DLG1: variants seen among roughly 807,000 people sequenced by gnomAD.
DLG1 encodes the protein discs large MAGUK scaffold protein 1, also known as disks large homolog 1.
DLG1 carries 42 observed loss-of-function variants against 123.4 expected under a neutral mutation model. The ratio of observed to expected loss-of-function variants is 0.34; its 90% confidence interval spans 0.27 to 0.44. The LOEUF is 0.44. DLG1 is among the 20% of genes least tolerant of loss of function. DLG1 has a pLI of 1.00. For synonymous variants in DLG1, 317 were observed against 356.2 expected (o/e 0.89, Z 1.24); for missense variants, 942 against 1,082.6 (o/e 0.87, Z 1.82).
chr3:197,055,893 A>G (rs559895838), intron 23 of DLG1, among the ~76,000 whole-genome samples: 1 of 152,346 alleles, frequency 6.6e-6, no homozygotes, highest in South Asian at 2.1e-4. Flanking sequence ...CTGCACCTCC[A>G]TGATCAGAAG....
chr3:197,048,068 A>T (rs1369235343), intron 24 of DLG1, among the ~76,000 whole-genome samples: 1 of 152,262 alleles, frequency 6.6e-6, no homozygotes, highest in Non-Finnish European at 1.5e-5. Flanking sequence ...TAATCCATTT[A>T]AAAAATGGGC....
rs745433810 is a variant in DLG1, at chr3:197,130,609, T to C, written c.1083A>G (p.Thr361=). ...HEEAVTALKN[T]SDFVYLKVAK... ...CCACTTTCAAATAAACAAAATCAGA[T>C]GTGTTCTTTAAGGCAGTTACTGCTT... The change falls in exon 11 of 25, where the codon ACA becomes ACG. Residue 361 remains threonine, a synonymous_variant. Coordinates refer to ENST00000667157, the MANE Select transcript of DLG1 (RefSeq NM_001366207.1). 1.9e-6 allele frequency: 3 copies of C among 1,611,760 alleles called. No homozygotes were observed. Among genetic ancestry groups the C allele is most frequent in the South Asian group, 1.1e-5 (1 of 90,872 alleles).
intron 3 of DLG1, among the ~76,000 whole-genome samples, chr3:197,289,728 T>G (rs1177895482): frequency 6.6e-6 from 1 of 152,202 alleles, no homozygotes; most frequent in African/African-American, 2.4e-5. Flanking sequence ...GCACAAATAC[T>G]CTTTCTTCTA....
At chr3:197,119,811 T>G (rs111696824) in intron 11 of DLG1, among the ~76,000 whole-genome samples, 1 of 152,138 alleles carries the variant, frequency 6.6e-6, no homozygotes, top group Non-Finnish European at 1.5e-5. Flanking sequence ...CAGTCCAAAT[T>G]TGATTGTGAA....
chr3:197,070,103 C>G (rs960658448), intron 18 of DLG1: 4 of 152,192 alleles, frequency 2.6e-5, no homozygotes, highest in Admixed American at 2.6e-4. Flanking sequence ...GCACTCTTCT[C>G]ATCCATGTAA....
intron 13 of DLG1, among the ~76,000 whole-genome samples, chr3:197,112,248 GTA>G (rs1324863970): frequency 6.6e-6 from 1 of 152,148 alleles, no homozygotes; most frequent in African/African-American, 2.4e-5. Context: ...CTTCTTTAGT[GTA>G]TAGTTAAGTT....
At chr3:197,135,564 T>C (rs1033102139) in intron 10 of DLG1, among the ~76,000 whole-genome samples, 1 of 152,092 alleles carries the variant, frequency 6.6e-6, no homozygotes, top group Non-Finnish European at 1.5e-5. Context: ...TTCATAGCAG[T>C]GTGAAAACAA....
intron 16 of DLG1, among the ~76,000 whole-genome samples, chr3:197,084,200 TCA>T (rs1202229542): frequency 3.3e-5 from 5 of 152,218 alleles, no homozygotes; most frequent in Non-Finnish European, 5.9e-5. Flanking sequence ...ACAGACACTT[TCA>T]GTTTTCTCTT....
At chr3:197,224,980 G>A (rs953334536) in intron 4 of DLG1, among the ~76,000 whole-genome samples, 1 of 152,208 alleles carries the variant, frequency 6.6e-6, no homozygotes, top group African/African-American at 2.4e-5. Flanking sequence ...TTGTTGAGAT[G>A]GAGTCTCGCT....
intron 22 of DLG1, among the ~76,000 whole-genome samples, chr3:197,061,510 G>A (rs1056404507): frequency 2.6e-5 from 4 of 152,174 alleles, no homozygotes; most frequent in Admixed American, 2.0e-4. Flanking sequence ...GTCAAGGATC[G>A]AATTCAGGAT....
intron 14 of DLG1, among the ~76,000 whole-genome samples, chr3:197,097,291 C>CGA (rs1424596110): frequency 2.0e-5 from 3 of 152,140 alleles, no homozygotes; most frequent in Non-Finnish European, 1.5e-5. Context: ...TCTTATAGTT[C>CGA]ACTTGGTGTT....
intron 5 of DLG1, among the ~76,000 whole-genome samples, chr3:197,172,020 C>T (rs1029966733): frequency 1.3e-5 from 2 of 152,126 alleles, no homozygotes; most frequent in Non-Finnish European, 2.9e-5. Context: ...TTCTATTTCC[C>T]CCACACAAAT....
At chr3:197,288,751 C>A (rs919693970) in intron 3 of DLG1, among the ~76,000 whole-genome samples, 5 of 101,006 alleles carry the variant, frequency 5.0e-5, no homozygotes, top group Non-Finnish European at 1.1e-4. Context: ...AAAATACATA[C>A]ATACATACAT....
rs1734498444 is a variant in DLG1 at position 197,059,775 on chromosome 3, ATAC to A, written c.2483+111_2483+113del. 6 of 667,046 alleles carry A rather than the reference ATAC, an allele frequency of 9.0e-6. No individual in the cohort carries two copies. The East Asian group carries it at 1.1e-4, about 12-fold the overall frequency. The allele number at this position is 667,046 out of a possible 1,614,324, so 41.3% of individuals were successfully genotyped here. ...ACCACATAATCTGAGGTGAATAAACATACTACTATTATCTCAATTTTATAGATA... is the reference window on the plus strand; with the variant it reads ...ACCACATAATCTGAGGTGAATAAACATACTATTATCTCAATTTTATAGATA... On this transcript the variant is annotated intron_variant, in intron 23 of 24. Coordinates refer to ENST00000667157, the MANE Select transcript of DLG1 (RefSeq NM_001366207.1).
At chr3:197,128,676 T>C (rs369119144) in intron 11 of DLG1, among the ~76,000 whole-genome samples, 5 of 152,196 alleles carry the variant, frequency 3.3e-5, no homozygotes, top group East Asian at 3.8e-4. Flanking sequence ...ATTTCTTAAA[T>C]AGTAAGACTT....
intron 23 of DLG1, among the ~76,000 whole-genome samples, chr3:197,059,050 C>T (rs1012349955): frequency 7.9e-5 from 12 of 152,172 alleles, no homozygotes; most frequent in Non-Finnish European, 1.3e-4. Context: ...CTCAGCATCC[C>T]GAGTAGCTGG....
intron 4 of DLG1, among the ~76,000 whole-genome samples, chr3:197,261,831 A>G (rs959192957): frequency 6.6e-6 from 1 of 152,198 alleles, no homozygotes; most frequent in East Asian, 1.9e-4. Context: ...GACAGGCCCA[A>G]TGGGACTTTA....
intron 14 of DLG1, among the ~76,000 whole-genome samples, chr3:197,096,217 G>A (rs1442994048): frequency 6.6e-6 from 1 of 152,110 alleles, no homozygotes; most frequent in Non-Finnish European, 1.5e-5. Context: ...AACTTCTTCA[G>A]TTCTAATCCA....
intron 14 of DLG1, among the ~76,000 whole-genome samples, chr3:197,094,582 T>C (rs984343547): frequency 1.3e-5 from 2 of 152,320 alleles, no homozygotes; most frequent in African/African-American, 2.4e-5. Context: ...TTGTACCTTA[T>C]CAAAATTGTC....
Sources: gnomAD v4.1 joint callset for allele counts (sites outside exome capture counted in the v4.1 genomes callset) on GRCh38, gnomAD v4.1.1 for gene constraint, MANE v1.5 for transcripts, NCBI Gene and HGNC (gene_info 2026-07-23, HGNC 2026-07-21) for gene names.